FBXO42: variants seen among roughly 807,000 people sequenced by gnomAD.
The protein encoded by FBXO42 is F-box only protein 42.
Under a neutral mutation model 71.7 loss-of-function variants are expected in FBXO42, and 12 were observed. The ratio of observed to expected loss-of-function variants is 0.17; its 90% CI spans 0.11 to 0.27. The LOEUF (loss-of-function observed/expected upper bound fraction) is 0.27, where lower values mean the gene tolerates loss of function less well. Among genes scored for constraint, FBXO42 ranks in the 10% least tolerant of loss-of-function variants. The pLI, the probability that FBXO42 is intolerant of heterozygous loss-of-function variation, is 1.00. For missense variants in FBXO42, 707 were observed against 911.9 expected (o/e 0.78, Z 2.89); for synonymous variants, 325 against 327.5 (o/e 0.99, Z 0.08).
At chr1:16,308,419 G>A (rs1476969260) in intron 2 of FBXO42, among the ~76,000 whole-genome samples, 1 of 152,034 alleles carries the variant, frequency 6.6e-6, no homozygotes, top group Non-Finnish European at 1.5e-5. Context: ...GGAGTTCGAG[G>A]CTGTAGTGCA....
Position 16,250,832 on chromosome 1 carries a change from T to G in FBXO42, c.1992A>C (p.Val664=). The change falls in exon 10 of 10, where the codon GTA becomes GTC. Residue 664 remains valine (V), a synonymous_variant. Transcript: ENST00000375592. This position sits in a 1 kb window ranked among gnomAD's most constrained non-coding sequence, Gnocchi z 4.7. The part of the protein sequence containing the change: ...TKEKGRVKWK[V]FNSSSVVGPP... ...GTCCAACCACAGAACTGCTATTAAA[T>G]ACTTTCCATTTGACCCGCCCCTTCT... is the stretch of plus-strand genomic sequence containing the variant. 3 of 1,614,206 alleles carry G rather than the reference T, an allele frequency of 1.9e-6. No individual in the cohort carries two copies. Among genetic ancestry groups the G allele is most frequent in the Non-Finnish European group, 2.5e-6 (3 of 1,180,044 alleles).
rs2081566232 is a variant in FBXO42 at position 16,249,256 on chromosome 1, T to A, written c.*1414A>T. On this transcript the variant is annotated 3_prime_UTR_variant, in exon 10 of 10. Transcript: ENST00000375592. The stretch of plus-strand genomic sequence containing the variant: ...TGGTTGAGACTAGTAACTTTCTGTA[T>A]CAAGCAAAGAAATGCTCTACTTGGT... The A allele has an allele frequency of 6.6e-6, 1 of 152,222 alleles. No homozygotes were observed. Among genetic ancestry groups the A allele is most frequent in the African/African-American group, 2.4e-5 (1 of 41,460 alleles). The allele number at this position is 152,222 out of a possible 1,614,324, so 9.4% of individuals were successfully genotyped here.
At chr1:16,338,294 A>G (rs2082571554) in intron 1 of FBXO42, among the ~76,000 whole-genome samples, 1 of 147,336 alleles carries the variant, frequency 6.8e-6, no homozygotes, top group Admixed American at 7.0e-5. Flanking sequence ...TGAGCACTGA[A>G]GTTGAGGCTG....
chr1:16,347,140 C>CTGTG (rs139513021), intron 1 of FBXO42, among the ~76,000 whole-genome samples: 2 of 151,760 alleles, frequency 1.3e-5, no homozygotes, highest in African/African-American at 4.8e-5. Context: ...ATACACTTAT[C>CTGTG]TGTGTGTGTG....
At chr1:16,331,229 C>G (rs911153735) in intron 1 of FBXO42, among the ~76,000 whole-genome samples, 1 of 147,442 alleles carries the variant, frequency 6.8e-6, no homozygotes, top group Non-Finnish European at 1.5e-5. Flanking sequence ...CTGGCTAACA[C>G]GGTGAAACCC....
At chr1:16,256,886 G>GA (rs2081652241) in intron 4 of FBXO42, 127 bp from the exon 5 acceptor site, 1 of 861,274 alleles carries the variant, frequency 1.2e-6, no homozygotes, top group Non-Finnish European at 1.7e-6. Flanking sequence ...AAGTGTAGAG[G>GA]AAAGGTGGAA....
intron 1 of FBXO42, among the ~76,000 whole-genome samples, chr1:16,329,648 CTGAT>C (rs2082479773): frequency 6.6e-6 from 1 of 150,764 alleles, no homozygotes; most frequent in South Asian, 2.1e-4. Flanking sequence ...ATTGATATAA[CTGAT>C]TAAGAAAAAA....
rs1434341489 is a variant in FBXO42 at position 16,251,970 on chromosome 1, G to T, written c.1039-185C>A. ...CAGACATGGGAACAATCGCTGCTTT[G>T]TGTGACATATGCTATCATTAGAGAT... On this transcript the variant is annotated intron_variant, in intron 9 of 9. Coordinates refer to ENST00000375592, the MANE Select transcript of FBXO42 (RefSeq NM_018994.3). This position sits in a 1 kb window ranked among gnomAD's most constrained non-coding sequence, Gnocchi z 4.5. Among the ~76,000 whole-genome samples the T allele has an allele frequency of 6.6e-6, 1 of 152,218 alleles. No homozygotes were observed. The highest frequency in any genetic ancestry group is 1.5e-5 in the Non-Finnish European group (1 of 68,040).
intron 1 of FBXO42, among the ~76,000 whole-genome samples, chr1:16,342,396 CA>C (rs34993864): frequency 0.49 from 38,268 of 77,836 alleles, 7,289 homozygotes; most frequent in East Asian, 0.74. Flanking sequence ...AACTCTGTCT[CA>C]AAAAAAAAAA....
At chr1:16,306,424 A>G (rs1569894036) in intron 2 of FBXO42, among the ~76,000 whole-genome samples, 1 of 152,210 alleles carries the variant, frequency 6.6e-6, no homozygotes, top group Non-Finnish European at 1.5e-5. Context: ...ATCAAAGTTC[A>G]TGGAGGTTAG....
intron 1 of FBXO42, among the ~76,000 whole-genome samples, chr1:16,323,833 A>G (rs972884788): frequency 1.3e-4 from 19 of 151,016 alleles, no homozygotes; most frequent in African/African-American, 3.6e-4. Flanking sequence ...AAGGGACAAG[A>G]AGGAGGAGCA....
At chr1:16,351,272 T>A (rs1373510837) in intron 1 of FBXO42, among the ~76,000 whole-genome samples, 2 of 152,266 alleles carry the variant, frequency 1.3e-5, no homozygotes, top group East Asian at 1.9e-4. Flanking sequence ...CTTCCCTACA[T>A]GACAGAAACA....
Position 16,251,236 on chromosome 1 carries a change from G to A in FBXO42, c.1588C>T (p.Pro530Ser). The A allele has an allele frequency of 1.9e-6, 3 of 1,614,142 alleles. No individual in the cohort carries two copies. Among genetic ancestry groups the A allele is most frequent in the Non-Finnish European group, 2.5e-6 (3 of 1,180,034 alleles). ...TGCACACCATTTGTCTGTTCAGGAGGGTGTCTCATACTTCCCCCAACTGTC... is the reference window on the plus strand; with the variant it reads ...TGCACACCATTTGTCTGTTCAGGAGAGTGTCTCATACTTCCCCCAACTGTC... The part of the protein sequence containing the change: ...NRTVGGSMRH[P>S]PEQTNGVHTP... The change falls in exon 10 of 10, where the codon CCT becomes TCT. Residue 530 changes from proline to serine, a missense_variant. Physicochemically the swap from Pro to Ser is moderately conservative, Grantham distance 74. Around this residue, in one of 5 missense-constraint regions of FBXO42, gnomAD observed 482 missense variants for 587.1 expected, o/e 0.82. Transcript: ENST00000375592. This position sits in a 1 kb window ranked among gnomAD's most constrained non-coding sequence, Gnocchi z 4.5.
rs563223134 is a variant in FBXO42, at chr1:16,288,449, T to A, written c.502+6334A>T. 8.4e-3 allele frequency among the ~76,000 whole-genome samples: 1,247 copies of A among 148,964 alleles called. 19 individuals carry two copies. Among genetic ancestry groups the A allele is most frequent in the East Asian group, 0.028 (145 of 5,098 alleles). On this transcript the variant is annotated intron_variant, in intron 4 of 9. Coordinates refer to ENST00000375592, the MANE Select transcript of FBXO42 (RefSeq NM_018994.3). ...ATCTCAAAAAAAATAAAAATAAAAA[T>A]AAAAATAATAATAATAATAATAAAC... is the stretch of plus-strand genomic sequence containing the variant.
intron 1 of FBXO42, among the ~76,000 whole-genome samples, chr1:16,349,318 T>C (rs1334912469): frequency 6.6e-6 from 1 of 152,192 alleles, no homozygotes; most frequent in Non-Finnish European, 1.5e-5. Context: ...ACGGGTTTCC[T>C]TGTCTGGCTC....
At chr1:16,298,205 G>C (rs147844925) in intron 3 of FBXO42, among the ~76,000 whole-genome samples, 1 of 152,168 alleles carries the variant, frequency 6.6e-6, no homozygotes, top group African/African-American at 2.4e-5. Flanking sequence ...CAGCCTGGGC[G>C]ATAGAGCAAG....
At chr1:16,263,430 G>A (rs1012981203) in intron 4 of FBXO42, among the ~76,000 whole-genome samples, 5 of 151,098 alleles carry the variant, frequency 3.3e-5, no homozygotes, top group African/African-American at 9.7e-5. Context: ...GTGGCAGAGC[G>A]AGACTCCATC....
At chr1:16,313,140 T>C (rs2082329177) in intron 2 of FBXO42, among the ~76,000 whole-genome samples, 1 of 150,552 alleles carries the variant, frequency 6.6e-6, no homozygotes, top group African/African-American at 2.4e-5. Context: ...AACCTAAAAG[T>C]GCTCTTTAAA....
In FBXO42 at chr1:16,294,815, T is replaced by G; in HGVS notation, c.470A>C (p.Asn157Thr). The G allele has an allele frequency of 6.2e-7, 1 of 1,614,090 alleles. No individual in the cohort carries two copies. Among genetic ancestry groups the G allele is most frequent in the Middle Eastern group, 1.6e-4 (1 of 6,062 alleles). Reference sequence around the variant, plus strand: ...CAAAGGTCGGATCCACTCTTTGCTGTTTAGGTCAAGTCTCCAGAGGTCATT... The same window carrying G: ...CAAAGGTCGGATCCACTCTTTGCTGGTTAGGTCAAGTCTCCAGAGGTCATT... ...AFNDLWRLDL[N>T]SKEWIRPLAS... The change falls in exon 4 of 10, where the codon AAC (asparagine) becomes ACC (threonine). Residue 157 changes from asparagine (N) to threonine (T), a missense_variant. Asn to Thr is a moderately conservative substitution (Grantham distance 65). Transcript: ENST00000375592.
Sources: gnomAD v4.1 joint callset for allele counts (sites outside exome capture counted in the v4.1 genomes callset) on GRCh38, gnomAD v4.1.1 for gene constraint, gnomAD v4.1.1 regional missense constraint, Gnocchi (gnomAD v3.1) non-coding constraint, MANE v1.5 for transcripts, NCBI Gene and HGNC (gene_info 2026-07-23, HGNC 2026-07-21) for gene names.